The following RECK variants were observed in gnomAD, a reference collection of about 807,000 sequenced individuals.
RECK encodes the protein reversion-inducing cysteine-rich protein with Kazal motifs.
A neutral mutation model predicts 115.1 loss-of-function variants in RECK; 69 were observed. The ratio of observed to expected loss-of-function variants is 0.60; its 90% CI spans 0.49 to 0.73. The LOEUF is 0.73. Among genes scored for constraint, RECK ranks in the 30% least tolerant of loss-of-function variants. RECK has a pLI of 0.00. For synonymous variants in RECK, 414 were observed against 419.7 expected (o/e 0.99, Z 0.17); for missense variants, 1,047 against 1,203.7 (o/e 0.87, Z 1.93).
rs1397745837 is a variant in RECK, at chr9:36,037,054, CG to C, written c.61del (p.Val21SerfsTer43). ...GCGCTGCTCCTTCTGCTGGCCGTGG[CG>C]GGGGTCGCGGAGGTGGCAGGGGGCC... ...RGALLLLLAV[A>X]GVAEVAGGLA... On this transcript the variant is annotated frameshift_variant, in exon 1 of 21. Transcript: ENST00000377966. LOFTEE classifies it high-confidence loss of function. 2.1e-6 allele frequency: 3 copies of C among 1,395,922 alleles called. No individual in the cohort carries two copies. Among genetic ancestry groups the C allele is most frequent in the South Asian group, 1.6e-5 (1 of 64,446 alleles). The allele number at this position is 1,395,922 out of a possible 1,614,324, so 86.5% of individuals were successfully genotyped here. A position where few individuals can be genotyped will look rare whatever the true frequency, so the allele number is the denominator to read the frequency against.
At position 36,037,029 on chromosome 9, in the gene RECK, G is replaced by A. The variant is rs765896726; in HGVS notation, c.31G>A (p.Ala11Thr). Residue 11 changes from alanine (A) to threonine (T), a missense_variant, in exon 1 of 21, where the codon GCG becomes ACG. Coordinates refer to ENST00000377966, the MANE Select transcript of RECK (RefSeq NM_021111.3). Reference protein sequence around the residue: MATVRASLRGALLLLLAVAGV... With the variant: MATVRASLRGTLLLLLAVAGV... The stretch of plus-strand genomic sequence containing the variant: ...GACCGTCCGGGCCTCTCTGCGAGGT[G>A]CGCTGCTCCTTCTGCTGGCCGTGGC... 7.0e-7 allele frequency: 1 copy of A among 1,423,028 alleles called. No individual in the cohort carries two copies. Among genetic ancestry groups the A allele is most frequent in the South Asian group, 1.4e-5 (1 of 69,394 alleles). 88.2% of individuals were successfully genotyped at this position (1,423,028 alleles called of 1,614,324 possible). A position where few individuals can be genotyped will look rare whatever the true frequency, so the allele number is the denominator to read the frequency against.
At chr9:36,098,200 G>A (rs1823430240) in intron 10 of RECK, among the ~76,000 whole-genome samples, 1 of 152,128 alleles carries the variant, frequency 6.6e-6, no homozygotes, top group African/African-American at 2.4e-5. Flanking sequence ...AAGTTGCCAA[G>A]AGAGTAGATG....
intron 19 of RECK, among the ~76,000 whole-genome samples, chr9:36,121,048 G>A (rs1308186692): frequency 1.3e-5 from 2 of 152,194 alleles, no homozygotes; most frequent in African/African-American, 4.8e-5. Context: ...GGTAGCCAGA[G>A]ACTGGTGGGT....
At chr9:36,120,089 G>T (rs536559714) in intron 18 of RECK, among the ~76,000 whole-genome samples, 23 of 152,098 alleles carry the variant, frequency 1.5e-4, no homozygotes, top group Middle Eastern at 3.4e-3. Flanking sequence ...AAAAAAATTA[G>T]CCGGGCATGG....
chr9:36,040,732 G>A (rs970926216), intron 1 of RECK, among the ~76,000 whole-genome samples: 1 of 151,904 alleles, frequency 6.6e-6, no homozygotes, highest in Non-Finnish European at 1.5e-5. Flanking sequence ...TGTGGAGATA[G>A]GAGAGGGGAT....
intron 4 of RECK, among the ~76,000 whole-genome samples, chr9:36,062,474 G>A (rs760732420): frequency 1.3e-5 from 2 of 149,968 alleles, no homozygotes; most frequent in Non-Finnish European, 3.0e-5. Context: ...TGTTGTTGTT[G>A]TTGTTTTGGT....
chr9:36,055,722 T>A (rs1240330837), intron 2 of RECK, among the ~76,000 whole-genome samples: 1 of 152,184 alleles, frequency 6.6e-6, no homozygotes, highest in Non-Finnish European at 1.5e-5. Flanking sequence ...GTTTGCCCAG[T>A]GGTATTCAGA....
chr9:36,082,939 A>G (rs553570279), intron 7 of RECK, among the ~76,000 whole-genome samples: 36 of 152,012 alleles, frequency 2.4e-4, no homozygotes, highest in Non-Finnish European at 4.9e-4. Flanking sequence ...GTGTTTATAA[A>G]CCTCTACAAA....
At chr9:36,098,965 C>T (rs892997894) in intron 10 of RECK, among the ~76,000 whole-genome samples, 2 of 152,126 alleles carry the variant, frequency 1.3e-5, no homozygotes, top group African/African-American at 2.4e-5. Context: ...ATGGCTCACA[C>T]CTATAATCCC....
rs377664169 is a variant in RECK at position 36,105,133 on chromosome 9, G to T, written c.1436-10G>T. On this transcript the variant is annotated splice_polypyrimidine_tract_variant and intron_variant, in intron 12 of 20. Coordinates refer to ENST00000377966, the MANE Select transcript of RECK (RefSeq NM_021111.3). ...AGGTTGGTTAAACTAATCTGTTTTG[G>T]TTTTTTCAGGGCCAAGTACTTTAGG... The T allele has an allele frequency of 9.3e-6, 15 of 1,612,662 alleles. No homozygotes were observed. The highest frequency in any genetic ancestry group is 3.3e-5 in the South Asian group (3 of 90,890).
At chr9:36,042,423 A>AGTGTGTGTGTGTGTGTGTGT (rs35193636) in intron 1 of RECK, among the ~76,000 whole-genome samples, 2 of 144,364 alleles carry the variant, frequency 1.4e-5, no homozygotes, top group Non-Finnish European at 3.0e-5. Flanking sequence ...AGTATTCCAT[A>AGTGTGTGTGTGTGTGTGTGT]GTGTGTGTGT....
chr9:36,073,334 A>G (rs186976583), intron 6 of RECK, among the ~76,000 whole-genome samples: 3 of 151,814 alleles, frequency 2.0e-5, no homozygotes, highest in Admixed American at 2.0e-4. Context: ...GGTTGTACCA[A>G]TATGATCCTT....
chr9:36,052,744 A>G (rs1043227889), intron 2 of RECK, among the ~76,000 whole-genome samples: 3 of 152,224 alleles, frequency 2.0e-5, no homozygotes, highest in African/African-American at 7.2e-5. Flanking sequence ...TGTCAGTGTT[A>G]TAAAAACAAA....
intron 16 of RECK, among the ~76,000 whole-genome samples, chr9:36,113,738 G>A (rs746841751): frequency 6.6e-5 from 10 of 152,112 alleles, no homozygotes; most frequent in Non-Finnish European, 1.5e-4. Context: ...GTAATATAAA[G>A]AGCCCCTGCA....
chr9:36,106,912 G>A (rs535152741), intron 13 of RECK, among the ~76,000 whole-genome samples: 2 of 151,748 alleles, frequency 1.3e-5, no homozygotes, highest in Non-Finnish European at 2.9e-5. Context: ...AGACCATCCT[G>A]ACTAACGCGG....
chr9:36,069,306 G>GAGGCGGGTGGATCACCTGACGTC (rs1380526327), intron 6 of RECK, among the ~76,000 whole-genome samples: 3 of 152,026 alleles, frequency 2.0e-5, no homozygotes, highest in African/African-American at 7.2e-5. Context: ...TCGGGAGGCT[G>GAGGCGGGTGGATCACCTGACGTC]AGGCGGGTGG....
intron 7 of RECK, among the ~76,000 whole-genome samples, chr9:36,082,845 T>C (rs1292984766): frequency 1.3e-5 from 2 of 152,232 alleles, no homozygotes; most frequent in African/African-American, 4.8e-5. Flanking sequence ...CTTACATCAC[T>C]TAGTTTTTAC....
At chr9:36,052,120 G>T in intron 1 of RECK, 145 bp from the exon 2 acceptor site, 1 of 582,366 alleles carries the variant, frequency 1.7e-6, no homozygotes, top group Non-Finnish European at 3.2e-6. Context: ...CTTGTAATAG[G>T]TGCTCAGTAA....
chr9:36,099,609 A>G (rs1326832291), intron 10 of RECK, among the ~76,000 whole-genome samples: 3 of 152,034 alleles, frequency 2.0e-5, no homozygotes, highest in Non-Finnish European at 4.4e-5. Context: ...CCTCCTGAGT[A>G]GCTGGAACTA....
Sources: allele counts gnomAD v4.1 joint callset (sites outside exome capture counted in the v4.1 genomes callset), GRCh38; gene constraint gnomAD v4.1.1; transcripts MANE v1.5; gene names NCBI Gene and HGNC (gene_info 2026-07-23, HGNC 2026-07-21).